PTPRK: variants seen among roughly 807,000 people sequenced by gnomAD.
PTPRK encodes the protein receptor-type tyrosine-protein phosphatase kappa.
Under a neutral mutation model 178.0 loss-of-function variants are expected in PTPRK, and 75 were observed. The observed-to-expected ratio is 0.42, with a 90% CI of 0.35 to 0.51. The LOEUF (loss-of-function observed/expected upper bound fraction) is 0.51, where lower values mean the gene tolerates loss of function less well. Ranked by LOEUF, PTPRK falls within the 20% of genes least tolerant of loss-of-function variation. The pLI is 0.02. For missense variants in PTPRK, 1,441 were observed against 1,797.8 expected (o/e 0.80, Z 3.59); for synonymous variants, 637 against 620.6 (o/e 1.03, Z -0.39).
intron 1 of PTPRK, among the ~76,000 whole-genome samples, chr6:128,426,567 G>A (rs1021857008): frequency 4.6e-5 from 7 of 152,024 alleles, no homozygotes; most frequent in African/African-American, 1.7e-4. Flanking sequence ...TCCTTCAAAT[G>A]CTCTTTGCTT....
chr6:128,068,354 A>G (rs1782196014), intron 11 of PTPRK, among the ~76,000 whole-genome samples: 1 of 152,166 alleles, frequency 6.6e-6, no homozygotes, highest in African/African-American at 2.4e-5. Context: ...AATACAAGTG[A>G]CATGCGGCAA....
intron 3 of PTPRK, among the ~76,000 whole-genome samples, chr6:128,302,323 C>T (rs201360507): frequency 2.9e-5 from 4 of 135,672 alleles, no homozygotes; most frequent in African/African-American, 2.7e-5. Flanking sequence ...ACCCAGGAGG[C>T]GGAGCTTGCA....
In PTPRK at chr6:128,258,285, A is replaced by C. The variant is rs115594353; in HGVS notation, c.496-15683T>G. Among the ~76,000 whole-genome samples, 915 of 152,278 alleles carry C rather than the reference A, an allele frequency of 6.0e-3. 10 individuals carry two copies. Among genetic ancestry groups the C allele is most frequent in the African/African-American group, 0.021 (867 of 41,558 alleles). Reference sequence around the variant, plus strand: ...AAAGACCAAAATATAATGTTAAATCAAGCAAGTGTTACAACATCCATTTGA... The same window carrying C: ...AAAGACCAAAATATAATGTTAAATCCAGCAAGTGTTACAACATCCATTTGA... On this transcript the variant is annotated intron_variant, in intron 3 of 29. Transcript: ENST00000368226.
chr6:128,022,597 G>A (rs1029873832), intron 13 of PTPRK, among the ~76,000 whole-genome samples: 1 of 152,112 alleles, frequency 6.6e-6, no homozygotes, highest in Non-Finnish European at 1.5e-5. Context: ...CCAGCTTACG[G>A]AGTAAAGGAA....
At chr6:128,251,985 T>C (rs1418558266) in intron 3 of PTPRK, among the ~76,000 whole-genome samples, 1 of 152,152 alleles carries the variant, frequency 6.6e-6, no homozygotes, top group Non-Finnish European at 1.5e-5. Context: ...CTGCAGGCCT[T>C]TCAAGAATGA....
intron 7 of PTPRK, among the ~76,000 whole-genome samples, chr6:128,093,106 T>G (rs1208546735): frequency 6.6e-6 from 1 of 152,232 alleles, no homozygotes; most frequent in Non-Finnish European, 1.5e-5. Context: ...ATTCATTATC[T>G]GTCAATCGTT....
intron 11 of PTPRK, among the ~76,000 whole-genome samples, chr6:128,071,722 T>C (rs550149755): frequency 3.3e-5 from 5 of 152,112 alleles, no homozygotes; most frequent in South Asian, 2.1e-4. Context: ...CAGAAATCAA[T>C]TGTAATCATG....
At chr6:128,227,004 T>C (rs145482288) in intron 5 of PTPRK, among the ~76,000 whole-genome samples, 115 of 152,052 alleles carry the variant, frequency 7.6e-4, no homozygotes, top group African/African-American at 2.7e-3. Flanking sequence ...CTCTTGCCAG[T>C]GGCAAAGAAG....
chr6:128,315,279 ATTCT>A (rs1330961793), intron 3 of PTPRK, among the ~76,000 whole-genome samples: 3 of 152,136 alleles, frequency 2.0e-5, no homozygotes, highest in African/African-American at 7.2e-5. Context: ...GACATTTTTC[ATTCT>A]TTATTATTTT....
intron 6 of PTPRK, among the ~76,000 whole-genome samples, chr6:128,185,907 C>A (rs1427466388): frequency 6.6e-6 from 1 of 152,066 alleles, no homozygotes; most frequent in Non-Finnish European, 1.5e-5. Context: ...CCTTCTTATG[C>A]AGGTTTAAAT....
At chr6:128,163,993 T>C (rs1799035739) in intron 7 of PTPRK, among the ~76,000 whole-genome samples, 4 of 151,472 alleles carry the variant, frequency 2.6e-5, no homozygotes, top group Admixed American at 1.3e-4. Flanking sequence ...TGGACATGCA[T>C]AGTAAGAATT....
intron 3 of PTPRK, among the ~76,000 whole-genome samples, chr6:128,303,030 G>A (rs1442158279): frequency 6.6e-6 from 1 of 151,990 alleles, no homozygotes; most frequent in African/African-American, 2.4e-5. Flanking sequence ...ATGGCATCAC[G>A]ATTCACTACG....
intron 2 of PTPRK, among the ~76,000 whole-genome samples, chr6:128,363,142 T>C (rs552333324): frequency 1.3e-5 from 2 of 152,290 alleles, no homozygotes; most frequent in Admixed American, 6.5e-5. Flanking sequence ...AAGATGCACA[T>C]CAAGCACTTG....
intron 4 of PTPRK, among the ~76,000 whole-genome samples, chr6:128,241,644 T>C (rs1027450470): frequency 2.0e-5 from 3 of 152,228 alleles, no homozygotes; most frequent in Admixed American, 6.5e-5. Context: ...CTCTACTGAA[T>C]GCATGCAGTA....
At chr6:128,122,377 C>T (rs1167398727) in intron 7 of PTPRK, among the ~76,000 whole-genome samples, 1 of 151,992 alleles carries the variant, frequency 6.6e-6, no homozygotes, top group Non-Finnish European at 1.5e-5. Context: ...AGCTGGATAA[C>T]GGAGGTGGAA....
intron 25 of PTPRK, among the ~76,000 whole-genome samples, chr6:127,980,795 T>C (rs1775250456): frequency 6.6e-6 from 1 of 152,020 alleles, no homozygotes; most frequent in Non-Finnish European, 1.5e-5. Flanking sequence ...TCATTTCTAA[T>C]TATATTCAAA....
chr6:128,329,392 C>CAA (rs1554224477), intron 2 of PTPRK, among the ~76,000 whole-genome samples: 1 of 151,144 alleles, frequency 6.6e-6, no homozygotes, highest in Admixed American at 6.6e-5. Context: ...AACACACACA[C>CAA]ACACACACAC....
At chr6:128,490,057 T>A in intron 1 of PTPRK, among the ~76,000 whole-genome samples, 1 of 152,204 alleles carries the variant, frequency 6.6e-6, no homozygotes, top group East Asian at 1.9e-4. Context: ...AAGTACTCAA[T>A]TCATCAGACC....
intron 1 of PTPRK, among the ~76,000 whole-genome samples, chr6:128,454,742 G>T (rs1182724871): frequency 1.5e-5 from 2 of 129,672 alleles, no homozygotes; most frequent in Non-Finnish European, 3.5e-5. Flanking sequence ...CTTCCACCTG[G>T]TATCATTTAC....
Sources: allele counts gnomAD v4.1 joint callset (sites outside exome capture counted in the v4.1 genomes callset), GRCh38; gene constraint gnomAD v4.1.1; transcripts MANE v1.5; gene names NCBI Gene and HGNC (gene_info 2026-07-23, HGNC 2026-07-21).